The following USP14 variants were observed in gnomAD, a reference collection of about 807,000 sequenced individuals.
USP14 encodes ubiquitin specific peptidase 14.
In USP14, 38 loss-of-function variants were observed where a neutral mutation model predicts 76.5. That is an observed-to-expected ratio of 0.50 (90% CI 0.38 to 0.65). The LOEUF (loss-of-function observed/expected upper bound fraction) is 0.65, where lower values mean the gene tolerates loss of function less well. Ranked by LOEUF, USP14 falls within the 30% of genes least tolerant of loss-of-function variation. The pLI is 0.00. For missense variants in USP14, 467 were observed against 586.5 expected, an observed-to-expected ratio of 0.80 and a Z score of 2.10; for synonymous variants, 192 against 191.7, an observed-to-expected ratio of 1.00 and a Z score of -0.01.
chr18:167,573 A>G (rs1310450380), intron 3 of USP14, among the ~76,000 whole-genome samples: 1 of 151,994 alleles, frequency 6.6e-6, no homozygotes, highest in Non-Finnish European at 1.5e-5. Flanking sequence ...TGGCATGGTC[A>G]TGGCTCGCTG....
intron 6 of USP14, among the ~76,000 whole-genome samples, chr18:193,664 T>C (rs553724725): frequency 6.6e-6 from 1 of 152,324 alleles, no homozygotes; most frequent in South Asian, 2.1e-4. Flanking sequence ...CTCTGGACTT[T>C]TACTCTAAAT....
intron 10 of USP14, among the ~76,000 whole-genome samples, chr18:199,603 G>C (rs1477201609): frequency 1.3e-5 from 2 of 152,136 alleles, no homozygotes; most frequent in African/African-American, 2.4e-5. Flanking sequence ...GACCCCCCAA[G>C]CACAGGGCTG....
intron 7 of USP14, 52 bp from the exon 8 acceptor site, chr18:197,564 T>C: frequency 3.5e-6 from 5 of 1,439,968 alleles, no homozygotes; most frequent in Non-Finnish European, 4.8e-6. Context: ...GGAAGAACTT[T>C]GTAGATCATT....
At position 192,842 on chromosome 18, in the gene USP14, G is replaced by T. The variant is rs1173109657; in HGVS notation, c.405G>T (p.Arg135Ser). The change falls in exon 6 of 16, where the codon AGG (arginine) becomes AGT (serine). Residue 135 changes from arginine to serine, a missense_variant and splice_region_variant. Arg to Ser is a moderately radical substitution (Grantham distance 110, BLOSUM62 -1). Transcript: ENST00000261601. ...SVPELKDALK[R>S]YAGALRASGE... ...TTTAACTCGGCTTTAATGTTCCTAG[G>T]TATGCAGGTGCCTTGAGAGCTTCAG... The T allele has an allele frequency of 1.2e-6, 2 of 1,613,546 alleles. No individual in the cohort carries two copies. The highest frequency in any genetic ancestry group is 1.7e-6 in the Non-Finnish European group (2 of 1,179,832).
chr18:165,899 C>T (rs769955385), intron 2 of USP14, among the ~76,000 whole-genome samples: 3 of 151,984 alleles, frequency 2.0e-5, no homozygotes, highest in East Asian at 3.9e-4. Context: ...ATTGGGTACC[C>T]GATACCTTCT....
chr18:212,940 T>G lies in USP14; in HGVS notation c.*1656T>G, dbSNP rs1379178027. ...ATAGAAAATAACAGCCATTTTACTT[T>G]CAAATCTGATGTGATGCAATCTGTG... On this transcript the variant is annotated 3_prime_UTR_variant, in exon 16 of 16. Coordinates refer to ENST00000261601, the MANE Select transcript of USP14 (RefSeq NM_005151.4). 1 of 152,210 alleles carries G rather than the reference T, an allele frequency of 6.6e-6. No individual in the cohort carries two copies. Among genetic ancestry groups the G allele is most frequent in the Non-Finnish European group, 1.5e-5 (1 of 68,026 alleles). The allele number at this position is 152,210 out of a possible 1,614,324, so 9.4% of individuals were successfully genotyped here.
Position 211,440 on chromosome 18 carries a change from CT to C in USP14, c.*157del. 1.5e-6 allele frequency: 1 copy of C among 650,662 alleles called. No individual in the cohort carries two copies. Among genetic ancestry groups the C allele is most frequent in the South Asian group, 3.4e-5 (1 of 29,248 alleles). The allele number at this position is 650,662 out of a possible 1,614,324, so 40.3% of individuals were successfully genotyped here. The stretch of plus-strand genomic sequence containing the variant: ...GAAGCAGACCACTCTGTGCACCAAC[CT>C]AAAAAATTACAGAGAAGAGAAAATT... On this transcript the variant is annotated 3_prime_UTR_variant, in exon 16 of 16. Transcript: ENST00000261601.
chr18:202,630 G>A (rs1259759348), intron 10 of USP14, among the ~76,000 whole-genome samples: 1 of 152,122 alleles, frequency 6.6e-6, no homozygotes. Context: ...CTAAAAAAGA[G>A]CAAACAGTAT....
intron 13 of USP14, 118 bp downstream of exon 13, chr18:204,810 T>TTCTG: frequency 4.1e-6 from 4 of 985,812 alleles, no homozygotes; most frequent in Non-Finnish European, 5.6e-6. Context: ...CTTTGTATAG[T>TTCTG]ATTATTTGGA....
chr18:184,433 A>G (rs1909872317), intron 5 of USP14, among the ~76,000 whole-genome samples: 1 of 152,160 alleles, frequency 6.6e-6, no homozygotes, highest in African/African-American at 2.4e-5. Flanking sequence ...ACTTAGCAGA[A>G]CTTGTCTTTG....
At chr18:187,442 C>T (rs1307347962) in intron 5 of USP14, among the ~76,000 whole-genome samples, 1 of 152,156 alleles carries the variant, frequency 6.6e-6, no homozygotes, top group Non-Finnish European at 1.5e-5. Flanking sequence ...ATACGCCTTT[C>T]TCCCTCTAAA....
chr18:168,535 T>G (rs1360634289), intron 3 of USP14, among the ~76,000 whole-genome samples: 1 of 152,032 alleles, frequency 6.6e-6, no homozygotes, highest in East Asian at 2.0e-4. Context: ...CCTGGGTTCA[T>G]GTGATTCTCC....
intron 14 of USP14, 137 bp from the exon 15 acceptor site, chr18:210,249 A>G (rs975986099): frequency 1.7e-5 from 12 of 723,816 alleles, no homozygotes; most frequent in African/African-American, 1.6e-4. Flanking sequence ...AGCCTTAACT[A>G]TGATTGGACA....
At chr18:181,870 T>C (rs78491468) in intron 5 of USP14, among the ~76,000 whole-genome samples, 2,025 of 152,330 alleles carry the variant, frequency 0.013, 27 homozygotes, top group Admixed American at 0.042. Flanking sequence ...AGCTCTTCTA[T>C]TCAGGCCTGT....
chr18:164,144 A>T (rs1224720418), intron 2 of USP14, among the ~76,000 whole-genome samples: 2 of 152,044 alleles, frequency 1.3e-5, no homozygotes, highest in Non-Finnish European at 2.9e-5. Flanking sequence ...TATTGTGTGA[A>T]TTTTTTTTCC....
At chr18:190,161 T>C (rs1910047569) in intron 5 of USP14, among the ~76,000 whole-genome samples, 1 of 152,216 alleles carries the variant, frequency 6.6e-6, no homozygotes, top group South Asian at 2.1e-4. Flanking sequence ...CGTTGTGTCC[T>C]GTACTACCAA....
chr18:181,126 TTTTA>T (rs1467300606), intron 5 of USP14, among the ~76,000 whole-genome samples: 2 of 152,248 alleles, frequency 1.3e-5, no homozygotes, highest in Admixed American at 6.5e-5. Flanking sequence ...ATATATCACA[TTTTA>T]TTTATCCATT....
chr18:199,334 C>A lies in USP14; in HGVS notation c.876+18C>A. 1.3e-6 allele frequency: 2 copies of A among 1,544,418 alleles called. No individual in the cohort carries two copies. Among genetic ancestry groups the A allele is most frequent in the South Asian group, 2.3e-5 (2 of 88,688 alleles). On this transcript the variant is annotated intron_variant, in intron 10 of 15. Coordinates refer to ENST00000261601, the MANE Select transcript of USP14 (RefSeq NM_005151.4). The stretch of plus-strand genomic sequence containing the variant: ...TTAAATTGGTAAGGACAATCTCAGT[C>A]CATCCTTGTTGTTTGTGAATTCCAT...
chr18:172,557 A>AAGTC (rs1909494520), intron 3 of USP14, among the ~76,000 whole-genome samples: 1 of 152,294 alleles, frequency 6.6e-6, no homozygotes, highest in East Asian at 1.9e-4. Flanking sequence ...TCATGAAAGG[A>AAGTC]AGTCAGTCAG....
Sources: gnomAD v4.1 joint callset for allele counts (sites outside exome capture counted in the v4.1 genomes callset) on GRCh38, gnomAD v4.1.1 for gene constraint, MANE v1.5 for transcripts, NCBI Gene and HGNC (gene_info 2026-07-23, HGNC 2026-07-21) for gene names.